Variants in ATP13A4 observed in about 807,000 individuals in gnomAD.
ATP13A4 encodes probable cation-transporting ATPase 13A4.
In ATP13A4, 114 loss-of-function variants were observed where a neutral mutation model predicts 142.5. The ratio of observed to expected loss-of-function variants is 0.80; its 90% CI spans 0.69 to 0.93. The LOEUF is 0.93. Among genes scored for constraint, ATP13A4 ranks in the 40% least tolerant of loss-of-function variants. The pLI is 0.00. For missense variants in ATP13A4, 1,392 were observed against 1,454.0 expected (o/e 0.96, Z 0.69); for synonymous variants, 488 against 514.8 (o/e 0.95, Z 0.70).
rs978949344 is a variant in ATP13A4, at chr3:193,433,932, A to G, written c.2770-15T>C. On this transcript the variant is annotated splice_polypyrimidine_tract_variant and intron_variant, in intron 24 of 29. Coordinates refer to ENST00000342695, the MANE Select transcript of ATP13A4 (RefSeq NM_032279.4). The stretch of plus-strand genomic sequence containing the variant: ...CTGTTTGTCTCCTGAAAATAAAAAG[A>G]AAGCAGATCAAAAAAGTTGTGACCT... 2.5e-6 allele frequency: 4 copies of G among 1,605,744 alleles called. No individual in the cohort carries two copies. The highest frequency in any genetic ancestry group is 2.7e-5 in the African/African-American group (2 of 74,884).
chr3:193,545,973 TTGTGTGTG>T (rs3053200), intron 1 of ATP13A4, among the ~76,000 whole-genome samples: 1,576 of 143,416 alleles, frequency 0.011, 22 homozygotes, highest in African/African-American at 0.029. Context: ...AATGTTTAAA[TTGTGTGTG>T]TGTGTGTGTG....
At chr3:193,570,640 A>G (rs1724240864) in intron 2 of ATP13A4, among the ~76,000 whole-genome samples, 1 of 152,188 alleles carries the variant, frequency 6.6e-6, no homozygotes, top group East Asian at 1.9e-4. Flanking sequence ...TTTTCCTCAT[A>G]CAATTAAACT....
At chr3:193,405,970 G>C (rs6444718) in intron 29 of ATP13A4, among the ~76,000 whole-genome samples, 21,989 of 152,086 alleles carry the variant, frequency 0.14, 1,746 homozygotes, top group East Asian at 0.23. Flanking sequence ...GGACACCCGT[G>C]ATAATGCTCT....
At chr3:193,445,349 T>A (rs1312481572) in intron 18 of ATP13A4, among the ~76,000 whole-genome samples, 1 of 151,792 alleles carries the variant, frequency 6.6e-6, no homozygotes, top group Admixed American at 6.6e-5. Context: ...GGCAGGAGAA[T>A]CACTTGAACC....
rs575540691 is a variant in ATP13A4 at position 193,464,552 on chromosome 3, C to T, written c.1461+388G>A. Among the ~76,000 whole-genome samples the T allele has an allele frequency of 7.2e-5, 11 of 152,232 alleles. No individual in the cohort carries two copies. In the South Asian group the frequency reaches 1.5e-3, roughly 20 times the overall value. Reference sequence around the variant, plus strand: ...TTTTTTATTTGTTCATTAATTCAATCGATATTTATTGCACACTAACTATAT... The same window carrying T: ...TTTTTTATTTGTTCATTAATTCAATTGATATTTATTGCACACTAACTATAT... On this transcript the variant is annotated intron_variant, in intron 12 of 29. Coordinates refer to ENST00000342695, the MANE Select transcript of ATP13A4 (RefSeq NM_032279.4).
chr3:193,545,787 C>T (rs914711625), intron 1 of ATP13A4, among the ~76,000 whole-genome samples: 1 of 151,948 alleles, frequency 6.6e-6, no homozygotes, highest in East Asian at 1.9e-4. Flanking sequence ...CTCCTTATTT[C>T]GTTATTTATG....
At chr3:193,490,725 T>A (rs1438919525) in intron 6 of ATP13A4, among the ~76,000 whole-genome samples, 1 of 152,138 alleles carries the variant, frequency 6.6e-6, no homozygotes, top group East Asian at 1.9e-4. Flanking sequence ...TGACGGCTTG[T>A]TGGAAATATT....
Position 193,457,078 on chromosome 3 carries a change from G to T in ATP13A4, c.1837C>A (p.Gln613Lys). ...SALQRMTVIV[Q>K]EMGGDRLAFM... is the part of the protein sequence containing the mutation. ...GCCAGTCGGTCACCTCCCATCTCTT[G>T]GACAATGACTGTCATTCTTTGCAGT... The change falls in exon 16 of 30, where the codon CAA becomes AAA. Residue 613 changes from glutamine to lysine, a missense_variant. Transcript: ENST00000342695. 1 of 1,614,006 alleles carries T rather than the reference G, an allele frequency of 6.2e-7. No homozygotes were observed. The highest frequency in any genetic ancestry group is 1.3e-5 in the African/African-American group (1 of 75,018).
chr3:193,501,934 A>G (rs1720566869), intron 3 of ATP13A4, among the ~76,000 whole-genome samples: 1 of 152,190 alleles, frequency 6.6e-6, no homozygotes, highest in Admixed American at 6.5e-5. Flanking sequence ...ACCCTGTTAC[A>G]TAGATTGTAA....
chr3:193,466,195 A>G lies in ATP13A4; in HGVS notation c.1115-13T>C. The G allele has an allele frequency of 1.2e-6, 2 of 1,613,540 alleles. No homozygotes were observed. Among genetic ancestry groups the G allele is most frequent in the South Asian group, 2.2e-5 (2 of 91,054 alleles). ...GCAGTGTTGAATCCTGGAACAACAA[A>G]CACACACCCCACACTCTCAGGAGAC... On this transcript the variant is annotated splice_polypyrimidine_tract_variant and intron_variant, in intron 10 of 29. Coordinates refer to ENST00000342695, the MANE Select transcript of ATP13A4 (RefSeq NM_032279.4).
At chr3:193,585,221 C>T (rs141186995) in intron 1 of ATP13A4, among the ~76,000 whole-genome samples, 3,511 of 152,118 alleles carry the variant, frequency 0.023, 48 homozygotes, top group East Asian at 0.032. Context: ...AGTTTAAGAC[C>T]AGACTGACCA....
At chr3:193,512,858 T>C (rs1268917248) in intron 2 of ATP13A4, among the ~76,000 whole-genome samples, 1 of 152,180 alleles carries the variant, frequency 6.6e-6, no homozygotes, top group African/African-American at 2.4e-5. Context: ...ACCCATCAAA[T>C]GAAGAAGTCT....
At chr3:193,410,875 G>T in intron 28 of ATP13A4, 107 bp downstream of exon 28, 2 of 769,674 alleles carry the variant, frequency 2.6e-6, no homozygotes, top group African/African-American at 1.7e-5. Flanking sequence ...CATCCCAAAA[G>T]AATAATTTGT....
intron 23 of ATP13A4, among the ~76,000 whole-genome samples, chr3:193,437,367 A>ACC (rs1716348384): frequency 6.6e-6 from 1 of 152,082 alleles, no homozygotes. Context: ...TATCATCCTT[A>ACC]TCTCCCTTAG....
Position 193,419,484 on chromosome 3 carries a change from G to A in ATP13A4, c.2843-4734C>T, listed in dbSNP as rs1327548812. On this transcript the variant is annotated intron_variant, in intron 25 of 29. Coordinates refer to ENST00000342695, the MANE Select transcript of ATP13A4 (RefSeq NM_032279.4). The stretch of plus-strand genomic sequence containing the variant: ...TTCCCAGAGTAGTCATGCCTCCCCA[G>A]TGCCTGAGTTGAAGTAGTGCCCTGT... 4.0e-5 allele frequency among the ~76,000 whole-genome samples: 6 copies of A among 150,064 alleles called. 1 individual carries two copies. Among genetic ancestry groups the A allele is most frequent in the African/African-American group, 1.5e-4 (6 of 40,826 alleles).
chr3:193,404,008 T>G, intron 29 of ATP13A4: 4 of 985,414 alleles, frequency 4.1e-6, no homozygotes, highest in Non-Finnish European at 2.4e-6. Context: ...TCTGCATTAT[T>G]CCTGTGATAA....
chr3:193,518,296 A>G (rs1463932860), intron 1 of ATP13A4, among the ~76,000 whole-genome samples: 3 of 152,262 alleles, frequency 2.0e-5, no homozygotes, highest in African/African-American at 7.2e-5. Flanking sequence ...AGCTCCAGCA[A>G]CACACATCAA....
intron 1 of ATP13A4, among the ~76,000 whole-genome samples, chr3:193,529,854 T>A (rs1722221313): frequency 6.6e-6 from 1 of 152,190 alleles, no homozygotes; most frequent in African/African-American, 2.4e-5. Flanking sequence ...CAAACGAGAT[T>A]TCCTTAGCAC....
At chr3:193,571,724 G>A (rs1724270266) in intron 2 of ATP13A4, among the ~76,000 whole-genome samples, 1 of 152,068 alleles carries the variant, frequency 6.6e-6, no homozygotes, top group African/African-American at 2.4e-5. Flanking sequence ...AAGCTGTCAA[G>A]GTCGGCACAA....
Sources: allele counts gnomAD v4.1 joint callset (sites outside exome capture counted in the v4.1 genomes callset), GRCh38; gene constraint gnomAD v4.1.1; transcripts MANE v1.5; gene names NCBI Gene and HGNC (gene_info 2026-07-23, HGNC 2026-07-21).